The following DCAF6 variants were observed in gnomAD, a reference collection of about 807,000 sequenced individuals.
DCAF6 encodes the protein DDB1- and CUL4-associated factor 6.
DCAF6 carries 54 observed loss-of-function variants against 125.1 expected under a neutral mutation model. The observed-to-expected ratio is 0.43, with a 90% CI of 0.35 to 0.54. The LOEUF is 0.54. DCAF6 is among the 20% of genes least tolerant of loss of function. DCAF6 has a pLI of 0.01. For missense variants in DCAF6, 934 were observed against 1,161.7 expected, an observed-to-expected ratio of 0.80 and a Z score of 2.85; for synonymous variants, 371 against 390.4, an observed-to-expected ratio of 0.95 and a Z score of 0.58.
chr1:168,059,684 C>T (rs1051718791), intron 17 of DCAF6, among the ~76,000 whole-genome samples: 6 of 151,944 alleles, frequency 3.9e-5, no homozygotes, highest in Admixed American at 1.3e-4. Context: ...CTTGCTGTGT[C>T]GCCTAGGCTG....
chr1:167,945,811 G>A (rs533880342), intron 1 of DCAF6, among the ~76,000 whole-genome samples: 2 of 140,254 alleles, frequency 1.4e-5, no homozygotes, highest in South Asian at 4.7e-4. Flanking sequence ...TTTTTTTTTT[G>A]TTATTTGTAG....
chr1:168,005,441 A>G (rs1019417507), intron 10 of DCAF6, among the ~76,000 whole-genome samples: 3 of 151,996 alleles, frequency 2.0e-5, no homozygotes, highest in Non-Finnish European at 4.4e-5. Flanking sequence ...TCCCCTAACT[A>G]TGGAATGTGC....
At chr1:167,900,601 C>T in the DCAF6 span, among the ~76,000 whole-genome samples, 1,037 of 152,050 alleles carry the variant, frequency 6.8e-3, 9 homozygotes, top group African/African-American at 0.024. Flanking sequence ...GGCGCCATCT[C>T]GGCTCACTGC....
chr1:167,935,491 G>GT (rs1671092700), upstream of DCAF6, among the ~76,000 whole-genome samples: 1 of 152,216 alleles, frequency 6.6e-6, no homozygotes, highest in Admixed American at 6.5e-5. Context: ...GGAGTCGTGC[G>GT]TAAGGGAGCG....
the DCAF6 span, chr1:167,917,880 T>A: frequency 6.5e-6 from 1 of 153,302 alleles, no homozygotes; most frequent in Non-Finnish European, 1.5e-5. Context: ...TTAAATAGTT[T>A]GAGGTCATCT....
At chr1:167,871,798 A>C in the DCAF6 span, among the ~76,000 whole-genome samples, 1 of 152,206 alleles carries the variant, frequency 6.6e-6, no homozygotes, top group Non-Finnish European at 1.5e-5. Context: ...TACTTAGCAG[A>C]CTGTATTGCT....
chr1:168,057,858 C>A (rs1179144925), intron 17 of DCAF6, among the ~76,000 whole-genome samples: 1 of 151,832 alleles, frequency 6.6e-6, no homozygotes, highest in Non-Finnish European at 1.5e-5. Flanking sequence ...TTCTTTCTTT[C>A]TTTAGATACC....
chr1:168,023,128 C>T lies in DCAF6; in HGVS notation c.1609+81C>T, dbSNP rs75249474. 2.4e-3 allele frequency: 3,307 copies of T among 1,350,950 alleles called. 49 individuals carry two copies. In the African/African-American group the frequency reaches 0.037, roughly 15 times the overall value. The allele number at this position is 1,350,950 out of a possible 1,614,324, so 83.7% of individuals were successfully genotyped here. A position where few individuals can be genotyped will look rare whatever the true frequency, so the allele number is the denominator to read the frequency against. On this transcript the variant is annotated intron_variant, in intron 12 of 21. Transcript: ENST00000367840. ...ATATACTAAGCTCTCTCACACCTTT[C>T]GTAGCATTTCATTTTGATTATGGTC...
chr1:167,990,563 T>G (rs2103004088), intron 5 of DCAF6, among the ~76,000 whole-genome samples: 1 of 152,316 alleles, frequency 6.6e-6, no homozygotes, highest in East Asian at 1.9e-4. Context: ...TGTTCATTAT[T>G]CATGAGTATG....
the DCAF6 span, chr1:167,905,127 T>A: frequency 6.2e-7 from 1 of 1,614,238 alleles, no homozygotes; most frequent in Admixed American, 1.7e-5. Context: ...GAATTCTTCT[T>A]TTGGAGTGTT....
intron 3 of DCAF6, chr1:167,969,278 A>AG (rs2102852261): frequency 1.3e-5 from 2 of 152,272 alleles, no homozygotes; most frequent in African/African-American, 4.8e-5. Flanking sequence ...TTACTCTTTT[A>AG]GGCTCATAGA....
chr1:168,068,659 A>T (rs532413102), intron 21 of DCAF6, among the ~76,000 whole-genome samples, 196 bp downstream of exon 21: 1 of 152,272 alleles, frequency 6.6e-6, no homozygotes, highest in East Asian at 1.9e-4. Flanking sequence ...ATTTGTCGTA[A>T]AATGGTCAAA....
chr1:167,919,218 G>A, the DCAF6 span, among the ~76,000 whole-genome samples: 1 of 152,108 alleles, frequency 6.6e-6, no homozygotes, highest in Admixed American at 6.5e-5. Flanking sequence ...GTTCACAAAC[G>A]CTAAGGACCA....
intron 17 of DCAF6, chr1:168,056,217 A>G (rs1359639264): frequency 1.2e-6 from 2 of 1,612,362 alleles, no homozygotes; most frequent in Non-Finnish European, 1.7e-6. Flanking sequence ...GCTGATTCCC[A>G]CTGTTCCAAT....
chr1:167,966,427 T>C (rs574056896), intron 2 of DCAF6, among the ~76,000 whole-genome samples: 3 of 152,302 alleles, frequency 2.0e-5, no homozygotes, highest in South Asian at 2.1e-4. Context: ...TTAGTGTTAG[T>C]GTATTTTATG....
chr1:168,053,466 C>T (rs1409690793), intron 17 of DCAF6, among the ~76,000 whole-genome samples: 1 of 152,172 alleles, frequency 6.6e-6, no homozygotes, highest in Non-Finnish European at 1.5e-5. Flanking sequence ...GGCCTCCCCA[C>T]ACAGTTGATT....
At chr1:167,961,310 T>G (rs770720328) in intron 2 of DCAF6, among the ~76,000 whole-genome samples, 8 of 152,206 alleles carry the variant, frequency 5.3e-5, no homozygotes, top group Non-Finnish European at 1.0e-4. Context: ...TGGCGCGATC[T>G]CGGCTCAATG....
chr1:167,878,594 A>ACAT, the DCAF6 span: 2 of 1,614,198 alleles, frequency 1.2e-6, no homozygotes, highest in East Asian at 2.2e-5. Flanking sequence ...CCTGGGTAGT[A>ACAT]CATCATCATC....
chr1:168,039,252 G>C (rs1688199607), intron 13 of DCAF6, among the ~76,000 whole-genome samples: 1 of 151,900 alleles, frequency 6.6e-6, no homozygotes, highest in Non-Finnish European at 1.5e-5. Flanking sequence ...ACATGTAGAA[G>C]TATACGATTT....
Sources: allele counts gnomAD v4.1 joint callset (sites outside exome capture counted in the v4.1 genomes callset), GRCh38; gene constraint gnomAD v4.1.1; transcripts MANE v1.5; gene names NCBI Gene and HGNC (gene_info 2026-07-23, HGNC 2026-07-21).